Variants in SUMF1 observed in about 807,000 individuals in gnomAD.
SUMF1 encodes the protein formylglycine-generating enzyme.
A neutral mutation model predicts 47.6 loss-of-function variants in SUMF1; 48 were observed. The observed-to-expected ratio is 1.01, with a 90% CI of 0.80 to 1.28. The LOEUF (loss-of-function observed/expected upper bound fraction) is 1.28. Ranked by LOEUF, SUMF1 falls within the 50% of genes most tolerant of loss-of-function variation. The pLI is 0.00. For missense variants in SUMF1, 571 were observed against 485.4 expected (o/e 1.18, Z -1.66); for synonymous variants, 230 against 192.1 (o/e 1.20, Z -1.63).
At chr3:4,362,332 A>G (rs1575131973) in intron 8 of SUMF1, 78 bp from the exon 9 acceptor site, 2 of 1,211,434 alleles carry the variant, frequency 1.7e-6, no homozygotes, top group Non-Finnish European at 2.4e-6. Context: ...TGCATATTGC[A>G]CCGGCTGTAG....
At chr3:4,340,736 T>C (rs886902817) in intron 8 of SUMF1, among the ~76,000 whole-genome samples, 1 of 152,038 alleles carries the variant, frequency 6.6e-6, no homozygotes, top group African/African-American at 2.4e-5. Flanking sequence ...GGAAGAGAGA[T>C]CGTGTGAGAG....
At chr3:4,288,340 AATT>A (rs1265455729) in intron 8 of SUMF1, among the ~76,000 whole-genome samples, 2 of 152,182 alleles carry the variant, frequency 1.3e-5, no homozygotes, top group African/African-American at 4.8e-5. Context: ...AAGAACCAGA[AATT>A]ATTATTTTCT....
intron 8 of SUMF1, among the ~76,000 whole-genome samples, chr3:4,287,208 AG>A (rs1420635096): frequency 6.6e-6 from 1 of 152,122 alleles, no homozygotes; most frequent in Admixed American, 6.6e-5. Context: ...CAAAGCTTTC[AG>A]GGGGTCCTCA....
At chr3:4,207,511 C>G (rs774861027) in intron 8 of SUMF1, among the ~76,000 whole-genome samples, 1 of 151,984 alleles carries the variant, frequency 6.6e-6, no homozygotes, top group African/African-American at 2.4e-5. Context: ...AAATTTTTAC[C>G]ATGAATGTAT....
intron 8 of SUMF1, among the ~76,000 whole-genome samples, chr3:4,367,189 G>C (rs1248175049): frequency 6.6e-6 from 1 of 152,198 alleles, no homozygotes; most frequent in Non-Finnish European, 1.5e-5. Flanking sequence ...CACTTGAGGA[G>C]GCAGTCTGCC....
intron 8 of SUMF1, among the ~76,000 whole-genome samples, chr3:4,228,939 C>A (rs1243693813): frequency 6.6e-6 from 1 of 152,010 alleles, no homozygotes; most frequent in Non-Finnish European, 1.5e-5. Flanking sequence ...ATTATTGTAA[C>A]TAAGGGTGGC....
chr3:4,133,688 G>A (rs147500628), intron 8 of SUMF1, among the ~76,000 whole-genome samples: 9,142 of 151,930 alleles, frequency 0.06, 474 homozygotes, highest in South Asian at 0.15. Flanking sequence ...CTTGAACATC[G>A]GACTCCAATT....
intron 8 of SUMF1, among the ~76,000 whole-genome samples, chr3:4,265,642 T>A (rs2125028654): frequency 6.6e-6 from 1 of 151,938 alleles, no homozygotes; most frequent in Middle Eastern, 3.5e-3. Flanking sequence ...CTTTGTCAGA[T>A]GAGTAGGTTG....
rs149523857 is a variant in SUMF1 at position 4,063,454 on chromosome 3, G to C, written c.1191+5115C>G. Among the ~76,000 whole-genome samples, 81 of 152,152 alleles carry C rather than the reference G, an allele frequency of 5.3e-4. 1 individual carries two copies. In the East Asian group the frequency reaches 0.013, roughly 25 times the overall value. ...TTTAATGCTAAAACCCCACCCCAAA[G>C]TGAACATGGGATGTATGTTATATAT... On this transcript the variant is annotated intron_variant and NMD_transcript_variant, in intron 9 of 12. Transcript: ENST00000448413.
At chr3:4,455,315 T>A (rs540521804) in intron 1 of SUMF1, among the ~76,000 whole-genome samples, 2 of 152,186 alleles carry the variant, frequency 1.3e-5, no homozygotes, top group African/African-American at 4.8e-5. Flanking sequence ...TTGATAACCT[T>A]GAAAAAAATG....
At chr3:4,096,345 G>A (rs555071022) in intron 8 of SUMF1, among the ~76,000 whole-genome samples, 6 of 152,214 alleles carry the variant, frequency 3.9e-5, no homozygotes, top group African/African-American at 1.2e-4. Flanking sequence ...AAGCAATCAA[G>A]TTCTCTATAC....
chr3:4,342,250 T>G (rs1313833697), intron 8 of SUMF1, among the ~76,000 whole-genome samples: 1 of 152,198 alleles, frequency 6.6e-6, no homozygotes, highest in Non-Finnish European at 1.5e-5. Flanking sequence ...TTTTAAAAGT[T>G]GGCCAGGCGC....
At chr3:4,098,495 T>G (rs1330225363) in intron 8 of SUMF1, among the ~76,000 whole-genome samples, 3 of 152,158 alleles carry the variant, frequency 2.0e-5, no homozygotes, top group African/African-American at 7.2e-5. Context: ...TCTTGTATTC[T>G]TCTATCTCCA....
intron 8 of SUMF1, among the ~76,000 whole-genome samples, chr3:4,325,281 T>A (rs1361502181): frequency 6.6e-6 from 1 of 152,104 alleles, no homozygotes; most frequent in African/African-American, 2.4e-5. Context: ...GAATGATTTA[T>A]TCCTAGAAGG....
At chr3:4,080,593 CCAAA>C (rs1692538429) in intron 8 of SUMF1, among the ~76,000 whole-genome samples, 1 of 152,096 alleles carries the variant, frequency 6.6e-6, no homozygotes, top group Admixed American at 6.5e-5. Context: ...AATTAAGCAT[CCAAA>C]CAATGTTCTA....
At chr3:4,164,163 C>A (rs954404274) in intron 8 of SUMF1, among the ~76,000 whole-genome samples, 1 of 152,122 alleles carries the variant, frequency 6.6e-6, no homozygotes, top group African/African-American at 2.4e-5. Context: ...TGTGAAAAGA[C>A]CAAAGTCTCC....
chr3:4,245,749 C>T (rs773553199), intron 8 of SUMF1, among the ~76,000 whole-genome samples: 6 of 152,168 alleles, frequency 3.9e-5, no homozygotes, highest in Non-Finnish European at 8.8e-5. Flanking sequence ...GAATGCCATG[C>T]CGGTAGAATG....
At chr3:4,227,157 T>G (rs916635881) in intron 8 of SUMF1, among the ~76,000 whole-genome samples, 4 of 152,106 alleles carry the variant, frequency 2.6e-5, no homozygotes, top group African/African-American at 9.7e-5. Context: ...TAGAGCTTCT[T>G]TGGGTATAAC....
chr3:4,415,463 GA>G (rs11327247), intron 6 of SUMF1, among the ~76,000 whole-genome samples: 16,596 of 152,072 alleles, frequency 0.11, 2,285 homozygotes, highest in African/African-American at 0.33. Context: ...CTCTTACCAA[GA>G]AAAGTTTTCT....
Sources: allele counts gnomAD v4.1 joint callset (sites outside exome capture counted in the v4.1 genomes callset), GRCh38; gene constraint gnomAD v4.1.1; transcripts MANE v1.5; gene names NCBI Gene and HGNC (gene_info 2026-07-23, HGNC 2026-07-21).